VWA3B: variants seen among roughly 807,000 people sequenced by gnomAD.
VWA3B encodes the protein von Willebrand factor A domain containing 3B.
Under a neutral mutation model 158.3 loss-of-function variants are expected in VWA3B, and 138 were observed. The ratio of observed to expected loss-of-function variants is 0.87; its 90% CI spans 0.76 to 1.00. VWA3B has a LOEUF of 1.00. Ranked by LOEUF, VWA3B falls within the 50% of genes least tolerant of loss-of-function variation. The pLI is 0.00. For synonymous variants in VWA3B, 596 were observed against 587.3 expected (o/e 1.01, Z -0.21); for missense variants, 1,555 against 1,565.1 (o/e 0.99, Z 0.11).
rs758176918 is a variant in VWA3B, at chr2:98,093,110, A to G, written c.18A>G (p.Pro6=). The G allele has an allele frequency of 5.0e-6, 8 of 1,613,894 alleles. No individual in the cohort carries two copies. In the East Asian group the frequency reaches 1.3e-4, roughly 27 times the overall value. ...ATTCAGAGATGGAGAAATCAGGCCC[A>G]TCTTCTACCATCTCTGAGCAGCAGC... The part of the protein sequence containing the change: MEKSG[P]SSTISEQQLQ... The change falls in exon 2 of 28, where the codon CCA becomes CCG. Residue 6 remains proline, a synonymous_variant. Transcript: ENST00000477737.
chr2:98,209,341 C>A (rs1156944807), intron 12 of VWA3B, among the ~76,000 whole-genome samples: 1 of 151,880 alleles, frequency 6.6e-6, no homozygotes, highest in African/African-American at 2.4e-5. Flanking sequence ...AGTGTGGTGG[C>A]GCGATCTCGG....
intron 7 of VWA3B, among the ~76,000 whole-genome samples, chr2:98,151,356 C>T (rs938215136): frequency 2.6e-4 from 40 of 152,298 alleles, no homozygotes; most frequent in Non-Finnish European, 5.1e-4. Context: ...CCGCCTGCCT[C>T]GGCCTCCCAA....
At chr2:98,241,419 A>G (rs1686063088) in intron 19 of VWA3B, among the ~76,000 whole-genome samples, 2 of 151,614 alleles carry the variant, frequency 1.3e-5, no homozygotes. Context: ...ATAGTTGGAG[A>G]GGCGGGCAGT....
Position 98,312,019 on chromosome 2 carries a change from A to C in VWA3B, c.3722A>C (p.His1241Pro). Residue 1241 changes from histidine to proline, a missense_variant, in exon 27 of 28, where the codon CAC (histidine) becomes CCC (proline). Transcript: ENST00000477737. Reference protein sequence around the residue: ...ISSHGSCQGTHPEPRTAHLHF... With the variant: ...ISSHGSCQGTPPEPRTAHLHF... ...TCCCATGGGTCCTGCCAGGGGACAC[A>C]CCCCGAGCCCAGGGTTTGGGTGATG... 6.3e-7 allele frequency: 1 copy of C among 1,597,718 alleles called. No individual in the cohort carries two copies. The highest frequency in any genetic ancestry group is 1.1e-5 in the South Asian group (1 of 88,700).
rs201866530 is a variant in VWA3B at position 98,121,443 on chromosome 2, C to T, written c.687C>T (p.Ala229=). Residue 229 remains alanine (A), a synonymous_variant, in exon 5 of 28, where the codon GCC becomes GCT. Transcript: ENST00000477737. ...EAGRLDALLE[A]GRDKTIESIY... Reference sequence around the variant, plus strand: ...GCCGCCTGGATGCTCTGCTGGAAGCCGGGAGAGACAAGACTGTAAGTGCGT... The same window carrying T: ...GCCGCCTGGATGCTCTGCTGGAAGCTGGGAGAGACAAGACTGTAAGTGCGT... 5.9e-5 allele frequency: 95 copies of T among 1,613,964 alleles called. No homozygotes were observed. In the African/African-American group the frequency reaches 1.2e-3, roughly 20 times the overall value.
At chr2:98,207,673 G>A in intron 12 of VWA3B, 1 of 428,974 alleles carries the variant, frequency 2.3e-6, no homozygotes, top group Non-Finnish European at 4.5e-6. Context: ...CTTCAGTGAT[G>A]GAACCCATTG....
chr2:98,290,427 T>G (rs1450682036), intron 22 of VWA3B, 84 bp from the exon 23 acceptor site: 1 of 1,048,882 alleles, frequency 9.5e-7, no homozygotes, highest in East Asian at 2.6e-5. Flanking sequence ...AGCCAAACCA[T>G]ATCACTAGGC....
At chr2:98,295,069 C>A (rs573202058) in intron 23 of VWA3B, among the ~76,000 whole-genome samples, 1 of 152,204 alleles carries the variant, frequency 6.6e-6, no homozygotes, top group South Asian at 2.1e-4. Flanking sequence ...TATTTCACAG[C>A]AGCTTAGAAC....
chr2:98,185,241 A>C (rs1187235470), intron 9 of VWA3B, among the ~76,000 whole-genome samples: 2 of 151,960 alleles, frequency 1.3e-5, no homozygotes, highest in African/African-American at 4.8e-5. Flanking sequence ...TGTCTCCTCC[A>C]CCAGGATATA....
intron 8 of VWA3B, among the ~76,000 whole-genome samples, chr2:98,178,951 C>G (rs1354271131): frequency 6.6e-6 from 1 of 152,208 alleles, no homozygotes; most frequent in Non-Finnish European, 1.5e-5. Context: ...CGTAGGGCTC[C>G]CGTGGTCCCA....
intron 9 of VWA3B, among the ~76,000 whole-genome samples, chr2:98,186,735 C>T (rs1446920766): frequency 2.0e-5 from 3 of 152,132 alleles, no homozygotes; most frequent in Non-Finnish European, 4.4e-5. Context: ...ACTCCATGAC[C>T]TTCTGGCTCT....
At chr2:98,098,962 G>C (rs954683003) in intron 2 of VWA3B, among the ~76,000 whole-genome samples, 2 of 151,954 alleles carry the variant, frequency 1.3e-5, no homozygotes, top group African/African-American at 4.8e-5. Context: ...AGTTAATTTT[G>C]ATCACAAAAA....
At chr2:98,285,055 A>G (rs1689085224) in intron 22 of VWA3B, among the ~76,000 whole-genome samples, 1 of 152,194 alleles carries the variant, frequency 6.6e-6, no homozygotes, top group Non-Finnish European at 1.5e-5. Flanking sequence ...TAGAAGTATA[A>G]TTTGTACCCT....
At chr2:98,164,907 G>C (rs1678936803) in intron 8 of VWA3B, among the ~76,000 whole-genome samples, 1 of 152,112 alleles carries the variant, frequency 6.6e-6, no homozygotes, top group African/African-American at 2.4e-5. Flanking sequence ...AGAAAGACCT[G>C]GTTATAAATC....
At chr2:98,321,521 G>T in the VWA3B span, among the ~76,000 whole-genome samples, 2 of 152,194 alleles carry the variant, frequency 1.3e-5, no homozygotes, top group African/African-American at 2.4e-5. Flanking sequence ...GCCCAAGGCC[G>T]GGGAAGCTTA....
chr2:98,278,018 A>G (rs1688633421), intron 22 of VWA3B, among the ~76,000 whole-genome samples: 2 of 151,932 alleles, frequency 1.3e-5, no homozygotes. Flanking sequence ...CTAACTGACT[A>G]GTCGGCCTTT....
chr2:98,246,572 G>A (rs1686408886), intron 19 of VWA3B, among the ~76,000 whole-genome samples: 1 of 151,866 alleles, frequency 6.6e-6, no homozygotes. Flanking sequence ...AGTAGAGACA[G>A]GGTTTCACCA....
chr2:98,145,626 C>A (rs1677119124), intron 7 of VWA3B, among the ~76,000 whole-genome samples: 1 of 152,150 alleles, frequency 6.6e-6, no homozygotes, highest in African/African-American at 2.4e-5. Flanking sequence ...CCTGCGTTCA[C>A]CCTCTGTGGT....
At chr2:98,215,929 T>C (rs915482545) in intron 13 of VWA3B, among the ~76,000 whole-genome samples, 13 of 152,126 alleles carry the variant, frequency 8.5e-5, no homozygotes, top group Non-Finnish European at 1.8e-4. Context: ...AAAAGGCAAA[T>C]TGATATTTGA....
Sources: allele counts gnomAD v4.1 joint callset (sites outside exome capture counted in the v4.1 genomes callset), GRCh38; gene constraint gnomAD v4.1.1; transcripts MANE v1.5; gene names NCBI Gene and HGNC (gene_info 2026-07-23, HGNC 2026-07-21).